The following GSDMC variants were observed in gnomAD, a reference collection of about 807,000 sequenced individuals.
GSDMC encodes the protein gasdermin-C.
A neutral mutation model predicts 58.0 loss-of-function variants in GSDMC; 59 were observed. The ratio of observed to expected loss-of-function variants is 1.02; its 90% CI spans 0.82 to 1.26. The LOEUF is 1.26. Among genes scored for constraint, GSDMC ranks in the 50% most tolerant of loss-of-function variants. The pLI is 0.00. For synonymous variants in GSDMC, 241 were observed against 220.2 expected (o/e 1.09, Z -0.83); for missense variants, 659 against 598.5 (o/e 1.10, Z -1.06).
chr8:129,722,033 C>CA, the GSDMC span, among the ~76,000 whole-genome samples: 5 of 152,068 alleles, frequency 3.3e-5, no homozygotes, highest in East Asian at 9.7e-4. Flanking sequence ...GCTAGTTGGC[C>CA]AAAAAAATTA....
At chr8:129,735,128 C>T in the GSDMC span, among the ~76,000 whole-genome samples, 12 of 152,134 alleles carry the variant, frequency 7.9e-5, no homozygotes, top group African/African-American at 2.7e-4. Flanking sequence ...TATATGCACC[C>T]AATACAGGAG....
intron 3 of GSDMC, among the ~76,000 whole-genome samples, chr8:129,770,945 C>T (rs961128561): frequency 1.3e-5 from 2 of 151,312 alleles, no homozygotes; most frequent in Non-Finnish European, 2.9e-5. Flanking sequence ...AAAAGAAATT[C>T]TAATGCACAA....
At chr8:129,738,803 G>GT in the GSDMC span, among the ~76,000 whole-genome samples, 1 of 151,630 alleles carries the variant, frequency 6.6e-6, no homozygotes, top group African/African-American at 2.4e-5. Flanking sequence ...TTAAAGTATA[G>GT]TTTTTAAAAA....
chr8:129,707,571 A>G, the GSDMC span, among the ~76,000 whole-genome samples: 1 of 152,248 alleles, frequency 6.6e-6, no homozygotes, highest in East Asian at 1.9e-4. Context: ...CCAAAATTAT[A>G]TAATTCAAAA....
At chr8:129,713,187 C>T in the GSDMC span, among the ~76,000 whole-genome samples, 3 of 152,248 alleles carry the variant, frequency 2.0e-5, no homozygotes, top group South Asian at 6.2e-4. Flanking sequence ...GTGGAGACAG[C>T]ACAATGCTCC....
chr8:129,748,935 C>T lies in GSDMC; in HGVS notation c.1288-195G>A, dbSNP rs1003403194. On this transcript the variant is annotated intron_variant, in intron 13 of 13. Transcript: ENST00000276708. Reference sequence around the variant, plus strand: ...ATTGGAAATCAGGGAGCATTGGTTCCACATCTATGAAATGGTGAAAATAAA... The same window carrying T: ...ATTGGAAATCAGGGAGCATTGGTTCTACATCTATGAAATGGTGAAAATAAA... 2.6e-5 allele frequency among the ~76,000 whole-genome samples: 4 copies of T among 151,354 alleles called. No individual in the cohort carries two copies. In the East Asian group the frequency reaches 5.8e-4, roughly 22 times the overall value.
Position 129,784,492 on chromosome 8 carries a change from G to T in GSDMC, c.-5+1519C>A, listed in dbSNP as rs1220762175. On this transcript the variant is annotated intron_variant, in intron 1 of 13. Coordinates refer to ENST00000276708, the MANE Select transcript of GSDMC (RefSeq NM_031415.3). ...CAAATGAAAAAAAGGCATATGAAAA[G>T]GTCCTCAACATTATTAGTTATCAGA... Among the ~76,000 whole-genome samples the T allele has an allele frequency of 2.6e-5, 4 of 152,118 alleles. No homozygotes were observed. In the East Asian group the frequency reaches 7.7e-4, roughly 29 times the overall value.
chr8:129,713,861 A>G, the GSDMC span, among the ~76,000 whole-genome samples: 2 of 151,996 alleles, frequency 1.3e-5, no homozygotes, highest in Admixed American at 6.6e-5. Context: ...ATTGCCCCTG[A>G]CTCAGGGGGG....
the GSDMC span, chr8:129,730,403 T>A: frequency 3.4e-6 from 4 of 1,184,200 alleles, no homozygotes; most frequent in Non-Finnish European, 4.7e-6. Flanking sequence ...AGAAATATGC[T>A]GATTATGAAT....
the GSDMC span, among the ~76,000 whole-genome samples, chr8:129,710,448 G>A: frequency 6.6e-6 from 1 of 152,172 alleles, no homozygotes; most frequent in Non-Finnish European, 1.5e-5. Flanking sequence ...GTCACCATCA[G>A]CCTGCTAATG....
At position 129,782,743 on chromosome 8, in the gene GSDMC, G is replaced by A. The variant is rs560153231; in HGVS notation, c.-5+3268C>T. ...AAGTCTCCCAGTAAATAAAAGCCTG[G>A]GACCCAGTGAATTCAATGCTGAATT... On this transcript the variant is annotated intron_variant, in intron 1 of 13. Transcript: ENST00000276708. 1.7e-4 allele frequency among the ~76,000 whole-genome samples: 26 copies of A among 152,094 alleles called. No individual in the cohort carries two copies. The South Asian group carries it at 5.2e-3, about 30-fold the overall frequency.
the GSDMC span, among the ~76,000 whole-genome samples, chr8:129,722,707 T>C: frequency 1.3e-5 from 2 of 152,228 alleles, no homozygotes; most frequent in Non-Finnish European, 2.9e-5. Flanking sequence ...AATAAATGAA[T>C]GAATGAATGG....
chr8:129,748,503 A>C lies in GSDMC; in HGVS notation c.1525T>G (p.Ter509GluextTer28), dbSNP rs779994855. ...ACTGACTGCCCATCAGGGAGGGCTT[A>C]GGCCTCAGCCAGCTGCTGCAGCAAC... The part of the protein sequence containing the change: ...LSLLQQLAEA[*>E] Residue 509 changes from the stop codon to glutamate (E), a stop_lost, in exon 14 of 14, where the codon TAA becomes GAA. Transcript: ENST00000276708. The C allele has an allele frequency of 6.2e-7, 1 of 1,602,512 alleles. No individual in the cohort carries two copies. The highest frequency in any genetic ancestry group is 1.1e-5 in the South Asian group (1 of 88,242).
the GSDMC span, among the ~76,000 whole-genome samples, chr8:129,717,671 T>G: frequency 6.6e-6 from 1 of 152,152 alleles, no homozygotes; most frequent in Non-Finnish European, 1.5e-5. Context: ...AAAAAACTAC[T>G]TTAAATTTCA....
chr8:129,765,479 T>A, intron 4 of GSDMC, 149 bp downstream of exon 4: 1 of 682,536 alleles, frequency 1.5e-6, no homozygotes, highest in Non-Finnish European at 2.6e-6. Context: ...GAAGTCAGGA[T>A]ACATCAACAT....
intron 3 of GSDMC, among the ~76,000 whole-genome samples, chr8:129,767,047 C>A (rs2033886184): frequency 2.0e-5 from 3 of 151,970 alleles, no homozygotes; most frequent in Admixed American, 1.3e-4. Context: ...GCCTGCAGAC[C>A]CAAGCCAACA....
intron 3 of GSDMC, among the ~76,000 whole-genome samples, chr8:129,772,304 G>A (rs1388669812): frequency 6.7e-6 from 1 of 150,362 alleles, no homozygotes; most frequent in African/African-American, 2.4e-5. Flanking sequence ...AAATTAAATG[G>A]AAAATAGAAA....
At position 129,748,546 on chromosome 8, in the gene GSDMC, G is replaced by A. The variant is rs773424017; in HGVS notation, c.1482C>T (p.Ala494=). 2 of 1,613,400 alleles carry A rather than the reference G, an allele frequency of 1.2e-6. No homozygotes were observed. Among genetic ancestry groups the A allele is most frequent in the Non-Finnish European group, 1.7e-6 (2 of 1,179,634 alleles). The change falls in exon 14 of 14, where the codon GCC becomes GCT. Residue 494 remains alanine, a synonymous_variant. Coordinates refer to ENST00000276708, the MANE Select transcript of GSDMC (RefSeq NM_031415.3). ...WDVEAKMPLS[A]LYGTLSLLQQ... ...GCAGCAACGAGAGAGTCCCATAGAG[G>A]GCAGACAGGGGCATCTTTGCTTCTA...
At chr8:129,711,188 AT>A in the GSDMC span, among the ~76,000 whole-genome samples, 1 of 152,256 alleles carries the variant, frequency 6.6e-6, no homozygotes, top group Middle Eastern at 3.4e-3. Flanking sequence ...CTTTACATGA[AT>A]TTTTTCACTT....
Sources: allele counts gnomAD v4.1 joint callset (sites outside exome capture counted in the v4.1 genomes callset), GRCh38; gene constraint gnomAD v4.1.1; transcripts MANE v1.5; gene names NCBI Gene and HGNC (gene_info 2026-07-23, HGNC 2026-07-21).